Variants in EIPR1 observed in about 807,000 individuals in gnomAD.
EIPR1 encodes the protein EARP and GARP complex-interacting protein 1.
In EIPR1, 25 loss-of-function variants were observed where a neutral mutation model predicts 48.1. The ratio of observed to expected loss-of-function variants is 0.52; its 90% CI spans 0.38 to 0.73. The LOEUF is 0.73. Among genes scored for constraint, EIPR1 ranks in the 30% least tolerant of loss-of-function variants. The pLI, the probability that EIPR1 is intolerant of heterozygous loss-of-function variation, is 0.00. For missense variants in EIPR1, 415 were observed against 506.2 expected (o/e 0.82, Z 1.73); for synonymous variants, 204 against 201.9 (o/e 1.01, Z -0.09).
chr2:3,199,766 G>A (rs886938393), intron 5 of EIPR1, among the ~76,000 whole-genome samples: 18 of 110,582 alleles, frequency 1.6e-4, no homozygotes, highest in Non-Finnish European at 3.3e-4. Flanking sequence ...CCACATCTGG[G>A]CAGAGGTGAC....
chr2:3,243,282 T>C (rs943069052), intron 4 of EIPR1, among the ~76,000 whole-genome samples: 1 of 152,214 alleles, frequency 6.6e-6, no homozygotes, highest in African/African-American at 2.4e-5. Flanking sequence ...CCTAAGTATA[T>C]GCTTCATAGA....
intron 4 of EIPR1, among the ~76,000 whole-genome samples, chr2:3,253,325 C>T (rs1002711002): frequency 1.3e-5 from 2 of 152,180 alleles, no homozygotes; most frequent in African/African-American, 4.8e-5. Context: ...CTCATGACTC[C>T]CTAAAACGTA....
At chr2:3,371,698 T>C (rs1296427817) in intron 1 of EIPR1, among the ~76,000 whole-genome samples, 2 of 152,308 alleles carry the variant, frequency 1.3e-5, no homozygotes, top group Middle Eastern at 3.4e-3. Flanking sequence ...TAAATATATA[T>C]GCACCCAATA....
At position 3,334,081 on chromosome 2, in the gene EIPR1, C is replaced by T. The variant is rs1329988311; in HGVS notation, c.259+3936G>A. Among the ~76,000 whole-genome samples the T allele has an allele frequency of 3.9e-5, 6 of 152,156 alleles. No homozygotes were observed. The East Asian group carries it at 7.7e-4, about 20-fold the overall frequency. On this transcript the variant is annotated intron_variant, in intron 3 of 8. Transcript: ENST00000382125. Reference sequence around the variant, plus strand: ...AAAGAGCAACAACAAAGAAAACACACGTGGGTCTCCAAGTACAGCAGACAA... The same window carrying T: ...AAAGAGCAACAACAAAGAAAACACATGTGGGTCTCCAAGTACAGCAGACAA...
At chr2:3,374,286 A>C (rs1266867649) in intron 1 of EIPR1, among the ~76,000 whole-genome samples, 1 of 152,128 alleles carries the variant, frequency 6.6e-6, no homozygotes, top group Non-Finnish European at 1.5e-5. Flanking sequence ...CTAGAAGAAA[A>C]CCTAGGCATT....
At chr2:3,339,701 C>G (rs1024800998) in intron 2 of EIPR1, among the ~76,000 whole-genome samples, 1 of 152,142 alleles carries the variant, frequency 6.6e-6, no homozygotes, top group Non-Finnish European at 1.5e-5. Flanking sequence ...GTAATTGTAG[C>G]ACTTTGGGAG....
chr2:3,215,905 A>G (rs1253170596), intron 4 of EIPR1, among the ~76,000 whole-genome samples: 2 of 152,254 alleles, frequency 1.3e-5, no homozygotes, highest in Admixed American at 1.3e-4. Flanking sequence ...CGTCTATATT[A>G]GACCAAGAGT....
At chr2:3,369,981 C>T (rs999365280) in intron 1 of EIPR1, among the ~76,000 whole-genome samples, 2 of 145,316 alleles carry the variant, frequency 1.4e-5, no homozygotes, top group South Asian at 2.2e-4. Flanking sequence ...AACTGGGAGG[C>T]ACCCCCCCCG....
At chr2:3,215,719 A>G (rs1199697658) in intron 4 of EIPR1, among the ~76,000 whole-genome samples, 1 of 152,200 alleles carries the variant, frequency 6.6e-6, no homozygotes, top group Non-Finnish European at 1.5e-5. Context: ...CACAATATGG[A>G]TTGATTGGGG....
intron 4 of EIPR1, among the ~76,000 whole-genome samples, chr2:3,230,685 G>C (rs1666216041): frequency 6.6e-6 from 1 of 152,104 alleles, no homozygotes; most frequent in Admixed American, 6.5e-5. Context: ...TTATTTATGA[G>C]CTTTCTATTC....
At chr2:3,256,921 G>A (rs1667174047) in intron 4 of EIPR1, among the ~76,000 whole-genome samples, 1 of 152,248 alleles carries the variant, frequency 6.6e-6, no homozygotes, top group Non-Finnish European at 1.5e-5. Context: ...GGAAGGGATT[G>A]TAAGCCTCAA....
At chr2:3,278,450 T>C (rs1004928970) in intron 3 of EIPR1, among the ~76,000 whole-genome samples, 5 of 152,140 alleles carry the variant, frequency 3.3e-5, no homozygotes, top group Non-Finnish European at 7.3e-5. Context: ...CCTCCCTCCG[T>C]GCAGAGCTGC....
At chr2:3,329,855 C>T (rs891389118) in intron 3 of EIPR1, among the ~76,000 whole-genome samples, 46 of 148,052 alleles carry the variant, frequency 3.1e-4, no homozygotes, top group African/African-American at 1.0e-3. Context: ...TCCATGACCA[C>T]TCTCTAATGA....
At chr2:3,269,664 A>ACTCAATCATCG (rs1667641117) in intron 3 of EIPR1, among the ~76,000 whole-genome samples, 10 of 116,024 alleles carry the variant, frequency 8.6e-5, no homozygotes, top group African/African-American at 1.9e-4. Flanking sequence ...CTCAATCATC[A>ACTCAATCATCG]CACTCAATCA....
intron 2 of EIPR1, among the ~76,000 whole-genome samples, chr2:3,341,571 G>T (rs1670249919): frequency 6.6e-6 from 1 of 151,888 alleles, no homozygotes; most frequent in African/African-American, 2.4e-5. Flanking sequence ...TGAGTGTGAG[G>T]CAGGTGCAGG....
chr2:3,282,176 G>C (rs1487512948), intron 3 of EIPR1, among the ~76,000 whole-genome samples: 1 of 152,250 alleles, frequency 6.6e-6, no homozygotes, highest in African/African-American at 2.4e-5. Context: ...AGCCAAGTCA[G>C]CTCCCTGCTG....
chr2:3,325,093 G>GC (rs1218619341), intron 3 of EIPR1, among the ~76,000 whole-genome samples: 2 of 152,196 alleles, frequency 1.3e-5, no homozygotes, highest in Non-Finnish European at 2.9e-5. Context: ...CTAGAGCACT[G>GC]CCCCTCTCTG....
At chr2:3,237,528 C>CT (rs1386226498) in intron 4 of EIPR1, among the ~76,000 whole-genome samples, 1 of 152,210 alleles carries the variant, frequency 6.6e-6, no homozygotes, top group Non-Finnish European at 1.5e-5. Context: ...GGAAAAAGCA[C>CT]TGTACGTCTG....
At chr2:3,308,130 G>A (rs2103304591) in intron 3 of EIPR1, among the ~76,000 whole-genome samples, 1 of 152,316 alleles carries the variant, frequency 6.6e-6, no homozygotes, top group Admixed American at 6.5e-5. Context: ...TGCACAGACT[G>A]TGGGGCTCTG....
Sources: allele counts gnomAD v4.1 joint callset (sites outside exome capture counted in the v4.1 genomes callset), GRCh38; gene constraint gnomAD v4.1.1; transcripts MANE v1.5; gene names NCBI Gene and HGNC (gene_info 2026-07-23, HGNC 2026-07-21).